RAI14: variants seen among roughly 807,000 people sequenced by gnomAD.
RAI14 encodes retinoic acid induced 14.
A neutral mutation model predicts 115.4 loss-of-function variants in RAI14; 45 were observed. The ratio of observed to expected loss-of-function variants is 0.39; its 90% CI spans 0.31 to 0.50. The LOEUF (loss-of-function observed/expected upper bound fraction) is 0.50. Ranked by LOEUF, RAI14 falls within the 20% of genes least tolerant of loss-of-function variation. RAI14 has a pLI of 0.85. For synonymous variants in RAI14, 371 were observed against 415.4 expected (o/e 0.89, Z 1.30); for missense variants, 939 against 1,131.2 (o/e 0.83, Z 2.44).
At chr5:34,829,531 C>CT (rs35003657) in intron 16 of RAI14, among the ~76,000 whole-genome samples, 1 of 152,066 alleles carries the variant, frequency 6.6e-6, no homozygotes, top group Non-Finnish European at 1.5e-5. Context: ...CATACCAAGA[C>CT]TTTTTTCCCT....
rs549315464 is a variant in RAI14, at chr5:34,831,804, C to G, written c.*1039C>G. The G allele has an allele frequency of 8.5e-5, 13 of 152,244 alleles. No individual in the cohort carries two copies. The highest frequency in any genetic ancestry group is 1.5e-5 in the Non-Finnish European group (1 of 68,014). 9.4% of individuals were successfully genotyped at this position (152,244 alleles called of 1,614,324 possible). A position where few individuals can be genotyped will look rare whatever the true frequency, so the allele number is the denominator to read the frequency against. ...TGCCAGACCTAATATGAGCTGCCACCAACACCCCTAGAACTTTCAGCCATG... is the reference window on the plus strand; with the variant it reads ...TGCCAGACCTAATATGAGCTGCCACGAACACCCCTAGAACTTTCAGCCATG... On this transcript the variant is annotated 3_prime_UTR_variant, in exon 18 of 18. Transcript: ENST00000265109.
intron 2 of RAI14, among the ~76,000 whole-genome samples, chr5:34,697,015 C>T (rs889599341): frequency 1.3e-5 from 2 of 152,046 alleles, no homozygotes; most frequent in African/African-American, 4.8e-5. Flanking sequence ...CCTGTAGTCC[C>T]AGCTACTCAG....
chr5:34,813,469 G>A (rs1165960701), intron 10 of RAI14, 105 bp from the exon 11 acceptor site: 5 of 645,440 alleles, frequency 7.7e-6, no homozygotes, highest in African/African-American at 5.6e-5. Flanking sequence ...AGTAAGAAAT[G>A]TATGAACTTT....
At position 34,814,628 on chromosome 5, in the gene RAI14, T is replaced by C; in HGVS notation, c.898T>C (p.Ser300Pro). The change falls in exon 12 of 18, where the codon TCG becomes CCG. Residue 300 changes from serine (S) to proline (P), a missense_variant. Ser to Pro is a moderately conservative substitution (Grantham distance 74). Coordinates refer to ENST00000265109, the MANE Select transcript of RAI14 (RefSeq NM_015577.3). ...SPRSITSTPL[S>P]GKESVFFAEP... The stretch of plus-strand genomic sequence containing the variant: ...AAGATCAATAACTTCGACTCCACTA[T>C]CGGGAAAGGAATCGGTATTTTTTGC... The C allele has an allele frequency of 1.2e-6, 2 of 1,613,736 alleles. No homozygotes were observed. Among genetic ancestry groups the C allele is most frequent in the Non-Finnish European group, 1.7e-6 (2 of 1,179,694 alleles).
intron 2 of RAI14, among the ~76,000 whole-genome samples, chr5:34,756,459 A>T (rs1747888292): frequency 6.6e-6 from 1 of 152,182 alleles, no homozygotes. Flanking sequence ...TCCACAGCCG[A>T]AGGGGCCAGA....
At chr5:34,805,268 C>T (rs1310869425) in intron 5 of RAI14, among the ~76,000 whole-genome samples, 2 of 152,176 alleles carry the variant, frequency 1.3e-5, no homozygotes, top group Non-Finnish European at 2.9e-5. Flanking sequence ...CTGTGTCCTC[C>T]TGTTGGGCTG....
intron 9 of RAI14, 34 bp from the exon 10 acceptor site, chr5:34,812,146 C>T: frequency 2.6e-6 from 4 of 1,537,912 alleles, no homozygotes; most frequent in Non-Finnish European, 3.6e-6. Flanking sequence ...CATTATGCTT[C>T]TTATAGTTCT....
chr5:34,723,409 A>ATACCTTT (rs1465488120), intron 2 of RAI14, among the ~76,000 whole-genome samples: 1 of 152,188 alleles, frequency 6.6e-6, no homozygotes, highest in African/African-American at 2.4e-5. Context: ...TGGAGACAGA[A>ATACCTTT]TACCTTTTTT....
At chr5:34,766,428 C>G (rs1164207606) in intron 3 of RAI14, among the ~76,000 whole-genome samples, 1 of 152,180 alleles carries the variant, frequency 6.6e-6, no homozygotes, top group Non-Finnish European at 1.5e-5. Context: ...GATGTGAGAC[C>G]TGGAATCAAA....
At chr5:34,752,735 G>A (rs1249534969) in intron 2 of RAI14, among the ~76,000 whole-genome samples, 18,051 of 89,766 alleles carry the variant, frequency 0.2, 2,871 homozygotes, top group African/African-American at 0.38. Flanking sequence ...GTGTGTGTGT[G>A]TGTGTGTGTG....
chr5:34,662,818 T>A (rs562756683), intron 1 of RAI14, among the ~76,000 whole-genome samples: 44 of 138,588 alleles, frequency 3.2e-4, no homozygotes, highest in African/African-American at 1.1e-3. Flanking sequence ...AACCTCCGCC[T>A]CTCAAGTTCA....
At chr5:34,769,360 T>C (rs901673261) in intron 3 of RAI14, among the ~76,000 whole-genome samples, 3 of 151,998 alleles carry the variant, frequency 2.0e-5, no homozygotes, top group African/African-American at 7.3e-5. Flanking sequence ...TTCTACAGAG[T>C]AGAATTTAGT....
intron 3 of RAI14, among the ~76,000 whole-genome samples, chr5:34,760,432 C>T (rs907607401): frequency 1.3e-5 from 2 of 152,116 alleles, no homozygotes; most frequent in Admixed American, 6.6e-5. Context: ...ATTTTTTGTT[C>T]TGAGGTGTTT....
intron 2 of RAI14, among the ~76,000 whole-genome samples, chr5:34,702,718 T>G (rs1374911840): frequency 6.6e-6 from 1 of 152,156 alleles, no homozygotes; most frequent in Non-Finnish European, 1.5e-5. Flanking sequence ...AGTCTTTTTG[T>G]TTTTTTGAGA....
rs777581857 is a variant in RAI14 at position 34,829,722 on chromosome 5, C to T, written c.2800-10C>T. ...AAGCTCATTAATAATGTGAAATATT[C>T]CCTTTCTAGGAATGCAAGAAACAAC... On this transcript the variant is annotated splice_polypyrimidine_tract_variant and intron_variant, in intron 16 of 17. Transcript: ENST00000265109. 1.2e-5 allele frequency: 19 copies of T among 1,600,436 alleles called. No individual in the cohort carries two copies. In the Admixed American group the frequency reaches 1.4e-4, roughly 11 times the overall value.
chr5:34,704,315 G>C (rs1325416499), intron 2 of RAI14, among the ~76,000 whole-genome samples: 2 of 152,202 alleles, frequency 1.3e-5, no homozygotes, highest in African/African-American at 2.4e-5. Flanking sequence ...GATGGCTGTA[G>C]AGATGAACAC....
chr5:34,681,466 A>G (rs2149872893), intron 1 of RAI14, among the ~76,000 whole-genome samples: 1 of 152,226 alleles, frequency 6.6e-6, no homozygotes, highest in Admixed American at 6.5e-5. Context: ...AGAATTCTGT[A>G]GATGTATTCC....
chr5:34,665,033 G>GTGTATATATATGTGTA, intron 1 of RAI14, among the ~76,000 whole-genome samples: 1 of 19,694 alleles, frequency 5.1e-5, no homozygotes, highest in Non-Finnish European at 1.1e-4. Flanking sequence ...ATATATATAT[G>GTGTATATATATGTGTA]TATATATATG....
intron 3 of RAI14, among the ~76,000 whole-genome samples, chr5:34,773,642 A>G (rs1408659819): frequency 2.6e-5 from 4 of 152,188 alleles, no homozygotes. Flanking sequence ...GGCCACAGCT[A>G]TATGAAAAAA....
Sources: allele counts gnomAD v4.1 joint callset (sites outside exome capture counted in the v4.1 genomes callset), GRCh38; gene constraint gnomAD v4.1.1; transcripts MANE v1.5; gene names NCBI Gene and HGNC (gene_info 2026-07-23, HGNC 2026-07-21).